The following MBNL2 variants were observed in gnomAD, a reference collection of about 807,000 sequenced individuals.
The protein encoded by MBNL2 is muscleblind like splicing regulator 2.
Under a neutral mutation model 41.9 loss-of-function variants are expected in MBNL2, and 17 were observed. The observed-to-expected ratio is 0.41, with a 90% CI of 0.28 to 0.61. The LOEUF (loss-of-function observed/expected upper bound fraction) is 0.61. MBNL2 is among the 20% of genes least tolerant of loss of function. The pLI is 0.35. For synonymous variants in MBNL2, 195 were observed against 182.9 expected (o/e 1.07, Z -0.53); for missense variants, 336 against 505.6 (o/e 0.66, Z 3.22).
At chr13:97,277,393 A>G (rs543138618) in intron 2 of MBNL2, among the ~76,000 whole-genome samples, 2 of 152,328 alleles carry the variant, frequency 1.3e-5, no homozygotes, top group African/African-American at 4.8e-5. Flanking sequence ...CAGCAAGGTT[A>G]CCAAACAGTT....
At chr13:97,373,454 ATTTC>A (rs2064597846) in intron 8 of MBNL2, among the ~76,000 whole-genome samples, 1 of 150,464 alleles carries the variant, frequency 6.6e-6, no homozygotes, top group Admixed American at 6.7e-5. Flanking sequence ...AACCTGCACA[ATTTC>A]TTTGTGTAAA....
intron 2 of MBNL2, among the ~76,000 whole-genome samples, chr13:97,291,567 A>G (rs1194659841): frequency 2.0e-5 from 3 of 152,018 alleles, no homozygotes; most frequent in Non-Finnish European, 2.9e-5. Context: ...TACACATCCC[A>G]TCTCCATTTG....
At chr13:97,168,334 TC>T in the MBNL2 span, among the ~76,000 whole-genome samples, 1 of 152,164 alleles carries the variant, frequency 6.6e-6, no homozygotes, top group African/African-American at 2.4e-5. Context: ...ACTTATCAAA[TC>T]TAATTAATTC....
the MBNL2 span, among the ~76,000 whole-genome samples, chr13:97,194,973 A>G: frequency 1.3e-5 from 2 of 152,110 alleles, no homozygotes; most frequent in African/African-American, 2.4e-5. Context: ...AAAATAGCCA[A>G]TCAGCAGCCC....
rs16952071 is a variant in MBNL2 at position 97,334,194 on chromosome 13, C to T, written c.175-82C>T. On this transcript the variant is annotated intron_variant, in intron 2 of 8. Coordinates refer to ENST00000679496, the MANE Select transcript of MBNL2 (RefSeq NM_001382683.1). This position sits in a 1 kb window ranked among gnomAD's most constrained non-coding sequence, Gnocchi z 5.3. ...CACACACAGGATCCTTGCTTTTGTG[C>T]ATAAGAAGTGATTGTTCAGTGGTTG... The T allele has an allele frequency of 0.28, 294,252 of 1,061,958 alleles. 42,851 individuals are homozygous for T. Among genetic ancestry groups the T allele is most frequent in the African/African-American group, 0.32 (20,212 of 62,448 alleles). 65.8% of individuals were successfully genotyped at this position (1,061,958 alleles called of 1,614,324 possible). A position where few individuals can be genotyped will look rare whatever the true frequency, so the allele number is the denominator to read the frequency against.
At chr13:97,204,864 A>G in the MBNL2 span, among the ~76,000 whole-genome samples, 1 of 152,112 alleles carries the variant, frequency 6.6e-6, no homozygotes, top group African/African-American at 2.4e-5. Flanking sequence ...ACCTGAGGTC[A>G]GGAGTTTGAG....
rs760517701 is a variant in MBNL2 at position 97,276,422 on chromosome 13, G to A, written c.174+13G>A. 16 of 1,611,466 alleles carry A rather than the reference G, an allele frequency of 9.9e-6. No individual in the cohort carries two copies. Among genetic ancestry groups the A allele is most frequent in the African/African-American group, 2.7e-5 (2 of 74,858 alleles). On this transcript the variant is annotated intron_variant, in intron 2 of 8. Transcript: ENST00000679496. Reference sequence around the variant, plus strand: ...TGATTCCCTAAAGGTAAGAGAATGCGTTTTATGTGTCATTTCAATACCACA... The same window carrying A: ...TGATTCCCTAAAGGTAAGAGAATGCATTTTATGTGTCATTTCAATACCACA...
chr13:97,167,219 C>G, the MBNL2 span, among the ~76,000 whole-genome samples: 2 of 151,934 alleles, frequency 1.3e-5, no homozygotes, highest in African/African-American at 4.8e-5. Flanking sequence ...AGGCCAAAAC[C>G]AAAATAGCAA....
intron 2 of MBNL2, among the ~76,000 whole-genome samples, chr13:97,314,677 A>T (rs1292042154): frequency 6.6e-6 from 1 of 152,136 alleles, no homozygotes; most frequent in Non-Finnish European, 1.5e-5. Flanking sequence ...TTGCCATGCT[A>T]TTTTTTCTTC....
chr13:97,339,152 G>C (rs1407954761), intron 3 of MBNL2, among the ~76,000 whole-genome samples: 3 of 132 alleles, frequency 0.023, no homozygotes, highest in African/African-American at 0.045. Flanking sequence ...GAGTGTATGG[G>C]AGTGTGCTGT....
At chr13:97,252,328 A>G (rs1438493047) in intron 1 of MBNL2, among the ~76,000 whole-genome samples, 1 of 152,198 alleles carries the variant, frequency 6.6e-6, no homozygotes, top group Non-Finnish European at 1.5e-5. Flanking sequence ...TCAGGAATTT[A>G]TGTTCTGTCC....
In MBNL2 at chr13:97,222,547, C is replaced by T; in HGVS notation, c.-605+16C>T. On this transcript the variant is annotated intron_variant, in intron 1 of 8. Coordinates refer to ENST00000679496, the MANE Select transcript of MBNL2 (RefSeq NM_001382683.1). Reference sequence around the variant, plus strand: ...GCTAAACAAGGTAGGAGAATCGCCCCCCTTTTTTGAATGTTTAAAGAGTTT... The same window carrying T: ...GCTAAACAAGGTAGGAGAATCGCCCTCCTTTTTTGAATGTTTAAAGAGTTT... 2.5e-6 allele frequency: 1 copy of T among 398,348 alleles called. No homozygotes were observed. The highest frequency in any genetic ancestry group is 4.4e-6 in the Non-Finnish European group (1 of 225,916). The allele number at this position is 398,348 out of a possible 1,614,324, so 24.7% of individuals were successfully genotyped here. A position where few individuals can be genotyped will look rare whatever the true frequency, so the allele number is the denominator to read the frequency against.
chr13:97,174,678 T>A, the MBNL2 span, among the ~76,000 whole-genome samples: 1 of 152,198 alleles, frequency 6.6e-6, no homozygotes, highest in Admixed American at 6.5e-5. Flanking sequence ...CAGGATTGGC[T>A]GTAGAAGAAG....
chr13:97,362,976 G>A (rs1446103832), intron 7 of MBNL2: 2 of 152,230 alleles, frequency 1.3e-5, no homozygotes, highest in Non-Finnish European at 2.9e-5. Context: ...GTTAGATGGT[G>A]ATGCCCATCA....
At chr13:97,189,039 C>A in the MBNL2 span, among the ~76,000 whole-genome samples, 1 of 152,082 alleles carries the variant, frequency 6.6e-6, no homozygotes, top group African/African-American at 2.4e-5. Context: ...CCAGGGTGGA[C>A]AATGTGCTCC....
At position 97,240,428 on chromosome 13, in the gene MBNL2, A is replaced by G. The variant is rs530597801; in HGVS notation, c.-605+17897A>G. Among the ~76,000 whole-genome samples the G allele has an allele frequency of 2.0e-5, 3 of 152,328 alleles. No homozygotes were observed. The South Asian group carries it at 6.2e-4, about 32-fold the overall frequency. On this transcript the variant is annotated intron_variant, in intron 1 of 8. Coordinates refer to ENST00000679496, the MANE Select transcript of MBNL2 (RefSeq NM_001382683.1). Reference sequence around the variant, plus strand: ...ACCTCATGTAACTTAATTACATGAGAAAGTACTTTCTACACTGCACAAAAT... The same window carrying G: ...ACCTCATGTAACTTAATTACATGAGGAAGTACTTTCTACACTGCACAAAAT...
intron 5 of MBNL2, among the ~76,000 whole-genome samples, chr13:97,351,501 C>T (rs2062450649): frequency 6.6e-6 from 1 of 152,182 alleles, no homozygotes; most frequent in African/African-American, 2.4e-5. Context: ...ACGTTGACAT[C>T]TGTTGTTTAC....
At chr13:97,199,149 G>T in the MBNL2 span, among the ~76,000 whole-genome samples, 1 of 151,990 alleles carries the variant, frequency 6.6e-6, no homozygotes, top group East Asian at 1.9e-4. Flanking sequence ...GCTGTTTCTG[G>T]CCTTTGCATT....
intron 1 of MBNL2, among the ~76,000 whole-genome samples, chr13:97,269,395 TC>T (rs1393094645): frequency 6.6e-6 from 1 of 152,100 alleles, no homozygotes; most frequent in Admixed American, 6.5e-5. Context: ...TTTCCTAATT[TC>T]CAAAATTGTG....
Sources: allele counts gnomAD v4.1 joint callset (sites outside exome capture counted in the v4.1 genomes callset), GRCh38; gene constraint gnomAD v4.1.1; non-coding constraint Gnocchi (gnomAD v3.1); transcripts MANE v1.5; gene names NCBI Gene and HGNC (gene_info 2026-07-23, HGNC 2026-07-21).